The following WWOX variants were observed in gnomAD, a reference collection of about 807,000 sequenced individuals.
WWOX encodes WW domain containing oxidoreductase.
A neutral mutation model predicts 46.2 loss-of-function variants in WWOX; 69 were observed. The ratio of observed to expected loss-of-function variants is 1.49; its 90% CI spans 1.23 to 1.82. WWOX has a LOEUF of 1.82. WWOX is among the 40% of genes most tolerant of loss of function. The probability of loss-of-function intolerance (pLI) is 0.00; values close to 1 mark genes in which losing one functional copy is unlikely to be tolerated. For synonymous variants in WWOX, 359 were observed against 202.6 expected (o/e 1.77, Z -6.56); for missense variants, 919 against 542.6 (o/e 1.69, Z -6.89).
At chr16:78,441,797 T>C (rs899532033) in intron 8 of WWOX, among the ~76,000 whole-genome samples, 1 of 152,130 alleles carries the variant, frequency 6.6e-6, no homozygotes, top group African/African-American at 2.4e-5. Context: ...TTAAGAAATG[T>C]TAACTACTAT....
At chr16:78,162,256 C>G (rs1050425576) in intron 4 of WWOX, among the ~76,000 whole-genome samples, 1 of 151,982 alleles carries the variant, frequency 6.6e-6, no homozygotes, top group East Asian at 1.9e-4. Context: ...TATTTTTTTT[C>G]AGCTGTGGCT....
intron 8 of WWOX, among the ~76,000 whole-genome samples, chr16:78,991,467 G>T (rs1338716374): frequency 6.6e-6 from 1 of 151,962 alleles, no homozygotes; most frequent in Admixed American, 6.6e-5. Context: ...TGGGTGTGGT[G>T]GTGCACACCT....
chr16:79,102,489 C>G (rs560438150), intron 8 of WWOX, among the ~76,000 whole-genome samples: 1 of 152,324 alleles, frequency 6.6e-6, no homozygotes, highest in East Asian at 1.9e-4. Context: ...CTGTCTGTCG[C>G]ATTTACCAAA....
Position 78,816,021 on chromosome 16 carries a change from C to T in WWOX, c.1056+383269C>T, listed in dbSNP as rs182619169. On this transcript the variant is annotated intron_variant, in intron 8 of 8. Transcript: ENST00000566780. Reference sequence around the variant, plus strand: ...CTCAATCACCCTAGAACTGTAAGGCCAAGTGGTCATAGCCAGAACATGGCA... The same window carrying T: ...CTCAATCACCCTAGAACTGTAAGGCTAAGTGGTCATAGCCAGAACATGGCA... 2.6e-4 allele frequency among the ~76,000 whole-genome samples: 39 copies of T among 152,310 alleles called. No individual in the cohort carries two copies. The East Asian group carries it at 7.3e-3, about 29-fold the overall frequency.
chr16:78,905,570 G>A (rs1409299836), intron 8 of WWOX, among the ~76,000 whole-genome samples: 1 of 151,920 alleles, frequency 6.6e-6, no homozygotes, highest in East Asian at 1.9e-4. Flanking sequence ...TTGTAGAAAT[G>A]GGGTCTCACC....
chr16:78,448,934 A>G (rs778218184), intron 8 of WWOX, among the ~76,000 whole-genome samples: 13 of 152,186 alleles, frequency 8.5e-5, no homozygotes, highest in African/African-American at 2.4e-4. Context: ...TGGGTCGGCT[A>G]TCTTGCTTCT....
intron 8 of WWOX, among the ~76,000 whole-genome samples, chr16:79,138,649 G>A (rs1479502693): frequency 6.6e-6 from 1 of 152,146 alleles, no homozygotes; most frequent in African/African-American, 2.4e-5. Flanking sequence ...ACTTAGAGGG[G>A]TCCTCCATGT....
intron 8 of WWOX, among the ~76,000 whole-genome samples, chr16:79,153,217 G>A (rs2050315459): frequency 6.6e-6 from 1 of 152,142 alleles, no homozygotes; most frequent in African/African-American, 2.4e-5. Context: ...CCAGCGTAGT[G>A]GCTTGCGAAA....
rs548598784 is a variant in WWOX at position 78,823,847 on chromosome 16, C to G, written c.1057-387761C>G. ...CTAGAGTACAATGGTATGATCATAG[C>G]TCACTACAACCTCCAATGCCTGGGT... On this transcript the variant is annotated intron_variant, in intron 8 of 8. Coordinates refer to ENST00000566780, the MANE Select transcript of WWOX (RefSeq NM_016373.4). Among the ~76,000 whole-genome samples the G allele has an allele frequency of 2.6e-5, 4 of 151,776 alleles. No individual in the cohort carries two copies. In the South Asian group the frequency reaches 8.3e-4, roughly 32 times the overall value.
At chr16:78,911,265 G>C (rs1461723790) in intron 8 of WWOX, among the ~76,000 whole-genome samples, 1 of 151,846 alleles carries the variant, frequency 6.6e-6, no homozygotes, top group African/African-American at 2.4e-5. Flanking sequence ...TCTGTTTTTT[G>C]TCATAACTAC....
Position 78,618,014 on chromosome 16 carries a change from C to G in WWOX, c.1056+185262C>G, listed in dbSNP as rs573719756. Among the ~76,000 whole-genome samples, 19 of 152,290 alleles carry G rather than the reference C, an allele frequency of 1.2e-4. No homozygotes were observed. The South Asian group carries it at 2.9e-3, about 23-fold the overall frequency. On this transcript the variant is annotated intron_variant, in intron 8 of 8. Transcript: ENST00000566780. Reference sequence around the variant, plus strand: ...ACAATTAGTGTTTATTGAGCACCTGCTATGAGCCAGATGTAGTGTTCAGTG... The same window carrying G: ...ACAATTAGTGTTTATTGAGCACCTGGTATGAGCCAGATGTAGTGTTCAGTG...
At position 78,349,865 on chromosome 16, in the gene WWOX, C is replaced by G. The variant is rs752746246; in HGVS notation, c.517-36995C>G. On this transcript the variant is annotated intron_variant, in intron 5 of 8. Coordinates refer to ENST00000566780, the MANE Select transcript of WWOX (RefSeq NM_016373.4). Reference sequence around the variant, plus strand: ...TATATTGATTTTGTATTTCTGGGCTCAGCTTTTGACTCAGTCTCATTCCCC... The same window carrying G: ...TATATTGATTTTGTATTTCTGGGCTGAGCTTTTGACTCAGTCTCATTCCCC... Among the ~76,000 whole-genome samples, 7 of 120,820 alleles carry G rather than the reference C, an allele frequency of 5.8e-5. 3 individuals are homozygous for G. Among genetic ancestry groups the G allele is most frequent in the Non-Finnish European group, 9.9e-5 (5 of 50,632 alleles). 79.3% of individuals were successfully genotyped at this position (120,820 alleles called of 152,430 possible).
chr16:78,301,940 C>T (rs146119591), intron 5 of WWOX, among the ~76,000 whole-genome samples: 235 of 151,580 alleles, frequency 1.6e-3, no homozygotes, highest in South Asian at 3.6e-3. Flanking sequence ...AAGTAACATT[C>T]TAAAATTAGA....
intron 8 of WWOX, among the ~76,000 whole-genome samples, chr16:78,826,193 A>G (rs1450782897): frequency 1.3e-5 from 2 of 152,190 alleles, no homozygotes; most frequent in East Asian, 3.8e-4. Context: ...TGTCTCTACT[A>G]AAAATACAAA....
intron 8 of WWOX, among the ~76,000 whole-genome samples, chr16:78,671,268 C>G (rs1318986621): frequency 6.6e-6 from 1 of 151,920 alleles, no homozygotes; most frequent in Non-Finnish European, 1.5e-5. Context: ...ACAAAAAATA[C>G]CAAAAAATGA....
At chr16:78,860,355 A>G (rs976447060) in intron 8 of WWOX, among the ~76,000 whole-genome samples, 1 of 152,206 alleles carries the variant, frequency 6.6e-6, no homozygotes, top group Admixed American at 6.5e-5. Flanking sequence ...CCCTTTGGAT[A>G]TAACGTCTGT....
chr16:78,275,419 C>T (rs931750759), intron 5 of WWOX, among the ~76,000 whole-genome samples: 1 of 152,204 alleles, frequency 6.6e-6, no homozygotes, highest in African/African-American at 2.4e-5. Flanking sequence ...TATACCTGGC[C>T]CGCTTTCCAA....
intron 8 of WWOX, among the ~76,000 whole-genome samples, chr16:78,775,600 T>G (rs1172248937): frequency 1.3e-5 from 2 of 152,048 alleles, no homozygotes; most frequent in African/African-American, 4.8e-5. Context: ...CTCCCCCACC[T>G]CTCCCCACAA....
At chr16:78,964,308 C>T (rs1207914633) in intron 8 of WWOX, among the ~76,000 whole-genome samples, 1 of 152,128 alleles carries the variant, frequency 6.6e-6, no homozygotes, top group East Asian at 1.9e-4. Flanking sequence ...ATGCTGATAG[C>T]AATATGGACA....
Sources: allele counts gnomAD v4.1 joint callset (sites outside exome capture counted in the v4.1 genomes callset), GRCh38; gene constraint gnomAD v4.1.1; transcripts MANE v1.5; gene names NCBI Gene and HGNC (gene_info 2026-07-23, HGNC 2026-07-21).